The following MED13L variants were observed in gnomAD, a reference collection of about 807,000 sequenced individuals.
The protein encoded by MED13L is mediator of RNA polymerase II transcription subunit 13-like.
MED13L carries 7 observed loss-of-function variants against 220.9 expected under a neutral mutation model. The observed-to-expected ratio is 0.03, with a 90% CI of 0.02 to 0.06. MED13L has a LOEUF of 0.06. Among genes scored for constraint, MED13L ranks in the 10% least tolerant of loss-of-function variants. The pLI is 1.00. For missense variants in MED13L, 1,965 were observed against 2,760.5 expected, an observed-to-expected ratio of 0.71 and a Z score of 6.46; for synonymous variants, 1,011 against 1,015.2, an observed-to-expected ratio of 1.00 and a Z score of 0.08.
intron 1 of MED13L, among the ~76,000 whole-genome samples, chr12:116,249,184 C>G (rs1202840355): frequency 6.6e-6 from 1 of 152,208 alleles, no homozygotes; most frequent in Non-Finnish European, 1.5e-5. Flanking sequence ...AAGTTCTGAA[C>G]AGCCAGAGAG....
chr12:116,064,299 G>C (rs1869740572), intron 4 of MED13L, among the ~76,000 whole-genome samples: 1 of 152,070 alleles, frequency 6.6e-6, no homozygotes, highest in Non-Finnish European at 1.5e-5. Context: ...GTAAATAGTA[G>C]ACTGTATTAT....
chr12:116,043,253 A>G (rs1881643427), intron 4 of MED13L, among the ~76,000 whole-genome samples: 1 of 152,066 alleles, frequency 6.6e-6, no homozygotes, highest in Non-Finnish European at 1.5e-5. Context: ...AGCAATACAG[A>G]AAAAAAAGGA....
At chr12:116,157,168 T>G (rs995701974) in intron 2 of MED13L, among the ~76,000 whole-genome samples, 1 of 152,210 alleles carries the variant, frequency 6.6e-6, no homozygotes, top group African/African-American at 2.4e-5. Flanking sequence ...TTCCCATACT[T>G]AAATGTTCTT....
chr12:116,096,661 A>C lies in MED13L; in HGVS notation c.479+8T>G. 1 of 1,613,156 alleles carries C rather than the reference A, an allele frequency of 6.2e-7. No homozygotes were observed. Among genetic ancestry groups the C allele is most frequent in the Non-Finnish European group, 8.5e-7 (1 of 1,179,156 alleles). On this transcript the variant is annotated splice_region_variant and intron_variant, in intron 4 of 30. Transcript: ENST00000281928. ...AACCAAAAAGCCAAGAGCATTCTAA[A>C]GGCTCACCTTTTGTTGACTGGCTTT...
At chr12:116,198,316 T>C (rs1490090557) in intron 2 of MED13L, among the ~76,000 whole-genome samples, 1 of 152,192 alleles carries the variant, frequency 6.6e-6, no homozygotes, top group African/African-American at 2.4e-5. Context: ...CCCAAGGGTA[T>C]TCAACATATC....
chr12:115,983,464 T>C lies in MED13L; in HGVS notation c.4608A>G (p.Ala1536=). 6.2e-7 allele frequency: 1 copy of C among 1,614,184 alleles called. No homozygotes were observed. The highest frequency in any genetic ancestry group is 8.5e-7 in the Non-Finnish European group (1 of 1,180,024). The part of the protein sequence containing the change: ...PPKYQTPPAA[A]QGQATPGNAG... ...CATTCCCTGGCGTAGCTTGTCCCTGTGCTGCTGCTGGTGGGGTCTGGTATT... is the reference window on the plus strand; with the variant it reads ...CATTCCCTGGCGTAGCTTGTCCCTGCGCTGCTGCTGGTGGGGTCTGGTATT... The change falls in exon 21 of 31, where the codon GCA becomes GCG. Residue 1536 remains alanine (A), a synonymous_variant. Transcript: ENST00000281928.
chr12:116,225,826 CTT>C (rs1169454045), intron 2 of MED13L, among the ~76,000 whole-genome samples: 10 of 152,206 alleles, frequency 6.6e-5, no homozygotes, highest in South Asian at 4.1e-4. Context: ...CTTTTTTTCT[CTT>C]GTGTCAGAAA....
At chr12:116,065,663 CA>C (rs1869863266) in intron 4 of MED13L, among the ~76,000 whole-genome samples, 1 of 152,170 alleles carries the variant, frequency 6.6e-6, no homozygotes, top group Admixed American at 6.5e-5. Flanking sequence ...CACATCAAAA[CA>C]CATGTCCCAA....
chr12:116,104,373 A>C (rs1459607000), intron 3 of MED13L, among the ~76,000 whole-genome samples: 2 of 152,202 alleles, frequency 1.3e-5, no homozygotes, highest in Non-Finnish European at 1.5e-5. Flanking sequence ...ACACATTGAA[A>C]GATAGGAATA....
chr12:116,106,339 G>A (rs1215142777), intron 3 of MED13L, among the ~76,000 whole-genome samples: 3 of 152,252 alleles, frequency 2.0e-5, no homozygotes, highest in East Asian at 1.9e-4. Flanking sequence ...AAAAATGCAG[G>A]AGGGTCGAGA....
At chr12:116,138,589 T>C (rs905055704) in intron 2 of MED13L, among the ~76,000 whole-genome samples, 1 of 152,228 alleles carries the variant, frequency 6.6e-6, no homozygotes, top group Non-Finnish European at 1.5e-5. Context: ...GCTGCTGCTG[T>C]CTTCCCACAG....
At chr12:116,230,298 G>T (rs1056571936) in intron 2 of MED13L, 5 of 162,706 alleles carry the variant, frequency 3.1e-5, no homozygotes, top group Admixed American at 1.3e-4. Flanking sequence ...TACTCGGGAG[G>T]CTGAGGCAGG....
At chr12:116,131,755 G>A (rs1420047210) in intron 2 of MED13L, among the ~76,000 whole-genome samples, 2 of 152,212 alleles carry the variant, frequency 1.3e-5, no homozygotes, top group Non-Finnish European at 2.9e-5. Flanking sequence ...AAGGAAGGCA[G>A]ATCGCTTCAG....
intron 1 of MED13L, among the ~76,000 whole-genome samples, chr12:116,252,154 A>G (rs1169185640): frequency 6.6e-6 from 1 of 152,132 alleles, no homozygotes. Flanking sequence ...TAAGGATATA[A>G]AAAACATGAA....
chr12:116,170,611 T>TG (rs1214467353), intron 2 of MED13L, among the ~76,000 whole-genome samples: 26 of 149,992 alleles, frequency 1.7e-4, no homozygotes, highest in Non-Finnish European at 3.7e-4. Flanking sequence ...TTTTTTTGTT[T>TG]TTTTTTTTTT....
At chr12:116,219,208 T>C (rs1883174128) in intron 2 of MED13L, among the ~76,000 whole-genome samples, 2 of 152,194 alleles carry the variant, frequency 1.3e-5, no homozygotes, top group Non-Finnish European at 2.9e-5. Flanking sequence ...TCTTAACTTA[T>C]ATAGTGAATT....
chr12:116,064,749 T>C lies in MED13L; in HGVS notation c.479+31920A>G, dbSNP rs1349443641. ...TGCCAAAAGGGCAGCTTCTTCTCCT[T>C]ACAGCTCTTCCATCTGACACTGGTA... is the stretch of plus-strand genomic sequence containing the variant. On this transcript the variant is annotated intron_variant, in intron 4 of 30. Transcript: ENST00000281928. Among the ~76,000 whole-genome samples, 5 of 152,186 alleles carry C rather than the reference T, an allele frequency of 3.3e-5. No individual in the cohort carries two copies. In the East Asian group the frequency reaches 7.7e-4, roughly 23 times the overall value.
intron 2 of MED13L, among the ~76,000 whole-genome samples, chr12:116,233,603 T>TCGCA (rs1026393092): frequency 1.3e-5 from 2 of 152,230 alleles, no homozygotes; most frequent in African/African-American, 4.8e-5. Flanking sequence ...TGTAGGTCTT[T>TCGCA]GCACAGTAGC....
intron 2 of MED13L, among the ~76,000 whole-genome samples, chr12:116,152,683 AG>A (rs1878138873): frequency 1.3e-5 from 2 of 152,312 alleles, no homozygotes; most frequent in South Asian, 4.1e-4. Context: ...AAACAAATTT[AG>A]GAGAAATAAT....
Sources: gnomAD v4.1 joint callset for allele counts (sites outside exome capture counted in the v4.1 genomes callset) on GRCh38, gnomAD v4.1.1 for gene constraint, MANE v1.5 for transcripts, NCBI Gene and HGNC (gene_info 2026-07-23, HGNC 2026-07-21) for gene names.